AKAP13: variants seen among roughly 807,000 people sequenced by gnomAD.
AKAP13 encodes the protein A-kinase anchoring protein 13.
AKAP13 carries 80 observed loss-of-function variants against 264.5 expected under a neutral mutation model. That is an observed-to-expected ratio of 0.30 (90% CI 0.25 to 0.36). The LOEUF is 0.36. Ranked by LOEUF, AKAP13 falls within the 10% of genes least tolerant of loss-of-function variation. The pLI, the probability that AKAP13 is intolerant of heterozygous loss-of-function variation, is 1.00. For synonymous variants in AKAP13, 1,380 were observed against 1,250.2 expected (o/e 1.10, Z -2.19); for missense variants, 3,712 against 3,435.2 (o/e 1.08, Z -2.01).
chr15:85,518,756 G>C (rs1025392118), intron 2 of AKAP13, among the ~76,000 whole-genome samples: 1 of 152,184 alleles, frequency 6.6e-6, no homozygotes, highest in East Asian at 1.9e-4. Flanking sequence ...TTGAGTCCTG[G>C]AACTGCAGGC....
At chr15:85,386,001 T>C (rs2070539276) in intron 1 of AKAP13, among the ~76,000 whole-genome samples, 1 of 151,810 alleles carries the variant, frequency 6.6e-6, no homozygotes, top group African/African-American at 2.4e-5. Flanking sequence ...AATTTTTGTA[T>C]TTTAGTAGAG....
intron 1 of AKAP13, among the ~76,000 whole-genome samples, chr15:85,398,072 TTGAACATGGATCTTAC>T (rs1471002393): frequency 6.6e-6 from 1 of 152,190 alleles, no homozygotes; most frequent in African/African-American, 2.4e-5. Context: ...GAGTTCATAC[TTGAACATGGATCTTAC>T]TCTAGAACTT....
At chr15:85,566,657 C>T (rs1053281962) in intron 5 of AKAP13, among the ~76,000 whole-genome samples, 15 of 143,792 alleles carry the variant, frequency 1.0e-4, no homozygotes, top group Admixed American at 3.6e-4. Context: ...AATGGAGTCT[C>T]GCTCTGTTGC....
At chr15:85,528,825 G>C (rs1393499914) in intron 3 of AKAP13, among the ~76,000 whole-genome samples, 1 of 152,154 alleles carries the variant, frequency 6.6e-6, no homozygotes, top group Non-Finnish European at 1.5e-5. Context: ...TTTGGGCTGT[G>C]TTTCTTCCAA....
chr15:85,603,683 T>C (rs2080193202), intron 8 of AKAP13, among the ~76,000 whole-genome samples: 1 of 152,224 alleles, frequency 6.6e-6, no homozygotes, highest in South Asian at 2.1e-4. Flanking sequence ...AATCCCCTTA[T>C]TATTTGAAAT....
intron 8 of AKAP13, among the ~76,000 whole-genome samples, chr15:85,596,600 C>A (rs200166422): frequency 1.3e-5 from 2 of 152,082 alleles, no homozygotes; most frequent in East Asian, 3.9e-4. Flanking sequence ...AAATAAAAAA[C>A]CTAGTCACTC....
intron 12 of AKAP13, 55 bp downstream of exon 12, chr15:85,658,645 A>G (rs2083206224): frequency 1.4e-6 from 2 of 1,479,120 alleles, no homozygotes; most frequent in Non-Finnish European, 1.9e-6. Context: ...GCATATACTA[A>G]CAAGCATCTC....
Position 85,743,810 on chromosome 15 carries a change from C to T in AKAP13, c.8377C>T (p.Arg2793Cys), listed in dbSNP as rs374128074. Reference protein sequence around the residue: ...KEKKKKNKTSRSQPGDGPASE... With the variant: ...KEKKKKNKTSCSQPGDGPASE... ...GAAAAAAAAGAAGAACAAAACCAGC[C>T]GCTCTCAGCCCGGTGGTGAGTCACG... Residue 2793 changes from arginine (R) to cysteine (C), a missense_variant, in exon 36 of 37, where the codon CGC becomes TGC. Transcript: ENST00000394518. 8.1e-6 allele frequency: 13 copies of T among 1,610,440 alleles called. No individual in the cohort carries two copies. The highest frequency in any genetic ancestry group is 4.0e-5 in the African/African-American group (3 of 74,594).
At chr15:85,459,440 C>G (rs1383121508) in intron 1 of AKAP13, among the ~76,000 whole-genome samples, 1 of 148,178 alleles carries the variant, frequency 6.7e-6, no homozygotes, top group Non-Finnish European at 1.5e-5. Context: ...CTCAAGTGAT[C>G]TGCCCGCCTT....
chr15:85,390,129 CT>C (rs1455351136), intron 1 of AKAP13, among the ~76,000 whole-genome samples: 4 of 152,228 alleles, frequency 2.6e-5, no homozygotes, highest in African/African-American at 7.2e-5. Context: ...TTTCAAGTAT[CT>C]TTTGTTTGTC....
At chr15:85,413,286 C>A (rs1399195672) in intron 1 of AKAP13, among the ~76,000 whole-genome samples, 1 of 152,186 alleles carries the variant, frequency 6.6e-6, no homozygotes, top group Non-Finnish European at 1.5e-5. Context: ...AACTTCAGAA[C>A]AGACCGTAAC....
rs200410789 is a variant in AKAP13 at position 85,582,005 on chromosome 15, A to G, written c.3937A>G (p.Ser1313Gly). 58 of 1,614,182 alleles carry G rather than the reference A, an allele frequency of 3.6e-5. No individual in the cohort carries two copies. The African/African-American group carries it at 6.1e-4, about 17-fold the overall frequency. Residue 1313 changes from serine (S) to glycine (G), a missense_variant, in exon 7 of 37, where the codon AGT (serine) becomes GGT (glycine). Coordinates refer to ENST00000394518, the MANE Select transcript of AKAP13 (RefSeq NM_007200.5). ...ACCTGGGGAGAGCCTACCAATGGGC[A>G]GTACTCCTGAGGAAGCCACGGGGAG... ...FPPGESLPMG[S>G]TPEEATGSLA... is the part of the protein sequence containing the mutation.
chr15:85,527,504 C>T (rs2077109047), intron 3 of AKAP13, among the ~76,000 whole-genome samples: 1 of 152,172 alleles, frequency 6.6e-6, no homozygotes, highest in African/African-American at 2.4e-5. Context: ...TCTGAAAAGG[C>T]TCTTTGGGAT....
rs143546972 is a variant in AKAP13, at chr15:85,693,466, T to C, written c.5464+15T>C. The C allele has an allele frequency of 1.2e-6, 2 of 1,609,832 alleles. No homozygotes were observed. The stretch of plus-strand genomic sequence containing the variant: ...TACTTGTGCAAGTAAGAGACATGCT[T>C]CTTCCTCTCGTAAGATGGAACTCTC... On this transcript the variant is annotated intron_variant, in intron 17 of 36. Coordinates refer to ENST00000394518, the MANE Select transcript of AKAP13 (RefSeq NM_007200.5).
chr15:85,742,521 G>A (rs2089105308), intron 35 of AKAP13, among the ~76,000 whole-genome samples: 1 of 152,222 alleles, frequency 6.6e-6, no homozygotes, highest in Non-Finnish European at 1.5e-5. Flanking sequence ...CTCGTGGATG[G>A]ATGATATTCT....
chr15:85,697,632 G>A (rs1036587082), intron 17 of AKAP13, among the ~76,000 whole-genome samples: 8 of 152,070 alleles, frequency 5.3e-5, no homozygotes, highest in Admixed American at 2.0e-4. Flanking sequence ...AGAAAAAGAC[G>A]TAACAACTAA....
At chr15:85,562,691 C>CTTTTTTTTTTTTTTTT (rs10598092) in intron 5 of AKAP13, among the ~76,000 whole-genome samples, 2 of 100,518 alleles carry the variant, frequency 2.0e-5, no homozygotes, top group African/African-American at 4.1e-5. Context: ...CTTTTCTTTT[C>CTTTTTTTTTTTTTTTT]TTTTTTTTTT....
In AKAP13 at chr15:85,581,217, G is replaced by C; in HGVS notation, c.3149G>C (p.Gly1050Ala). 1.2e-6 allele frequency: 2 copies of C among 1,614,114 alleles called. No individual in the cohort carries two copies. The highest frequency in any genetic ancestry group is 1.7e-6 in the Non-Finnish European group (2 of 1,179,980). ...SALLPCLLPD[G>A]SDGSDALNCS... Reference sequence around the variant, plus strand: ...CTGTTGCCATGTCTGTTGCCAGATGGGTCTGATGGGTCCGATGCTCTTAAC... The same window carrying C: ...CTGTTGCCATGTCTGTTGCCAGATGCGTCTGATGGGTCCGATGCTCTTAAC... The change falls in exon 7 of 37, where the codon GGG (glycine) becomes GCG (alanine). Residue 1050 changes from glycine (G) to alanine (A), a missense_variant. Transcript: ENST00000394518.
intron 3 of AKAP13, among the ~76,000 whole-genome samples, chr15:85,522,956 T>G (rs2076882379): frequency 3.7e-5 from 1 of 26,768 alleles, no homozygotes; most frequent in Non-Finnish European, 7.3e-5. Context: ...CCCCATCCCA[T>G]TGGCCTGAAT....
Sources: gnomAD v4.1 joint callset for allele counts (sites outside exome capture counted in the v4.1 genomes callset) on GRCh38, gnomAD v4.1.1 for gene constraint, MANE v1.5 for transcripts, NCBI Gene and HGNC (gene_info 2026-07-23, HGNC 2026-07-21) for gene names.